Variants in SLTM observed in about 807,000 individuals in gnomAD.
SLTM encodes the protein SAFB-like transcription modulator.
In SLTM, 43 loss-of-function variants were observed where a neutral mutation model predicts 134.6. The observed-to-expected ratio is 0.32, with a 90% CI of 0.25 to 0.41. The LOEUF (loss-of-function observed/expected upper bound fraction) is 0.41. Among genes scored for constraint, SLTM ranks in the 10% least tolerant of loss-of-function variants. The pLI is 1.00. For synonymous variants in SLTM, 424 were observed against 432.3 expected (o/e 0.98, Z 0.24); for missense variants, 1,055 against 1,288.8 (o/e 0.82, Z 2.78).
chr15:58,922,377 C>CAAAAAAAAAAAAAA lies in SLTM; in HGVS notation c.251-5392_251-5379dup, dbSNP rs59996812. ...GGGTGACAAGAGCAAAACTCTGCCT[C>CAAAAAAAAAAAAAA]AAAAAAAAAAAAAAAAAAAAAAGCT... is the stretch of plus-strand genomic sequence containing the variant. On this transcript the variant is annotated intron_variant, in intron 2 of 20. Transcript: ENST00000380516. Among the ~76,000 whole-genome samples the CAAAAAAAAAAAAAA allele has an allele frequency of 4.9e-5, 3 of 61,132 alleles. 1 individual carries two copies. Among genetic ancestry groups the CAAAAAAAAAAAAAA allele is most frequent in the Admixed American group, 5.5e-4 (2 of 3,644 alleles). 40.1% of individuals were successfully genotyped at this position (61,132 alleles called of 152,430 possible).
chr15:58,887,598 C>T, intron 17 of SLTM, 58 bp from the exon 18 acceptor site: 1 of 1,531,984 alleles, frequency 6.5e-7, no homozygotes, highest in South Asian at 1.3e-5. Flanking sequence ...GTGCTTAATT[C>T]TTCTTAACTT....
intron 19 of SLTM, 86 bp downstream of exon 19, chr15:58,886,889 C>A (rs2034252449): frequency 6.6e-7 from 1 of 1,515,614 alleles, no homozygotes; most frequent in South Asian, 1.2e-5. Context: ...TAAGCCACAT[C>A]AAAATGCTAC....
chr15:58,912,257 G>A (rs1040783442), intron 5 of SLTM, among the ~76,000 whole-genome samples: 4 of 151,832 alleles, frequency 2.6e-5, no homozygotes, highest in African/African-American at 7.3e-5. Flanking sequence ...CCGCCACCAC[G>A]CCTAGCTAAT....
intron 12 of SLTM, 40 bp from the exon 13 acceptor site, chr15:58,893,404 T>G: frequency 1.4e-6 from 2 of 1,419,848 alleles, no homozygotes; most frequent in Non-Finnish European, 1.9e-6. Flanking sequence ...TCTAAAATTT[T>G]TCATTGAGAA....
intron 2 of SLTM, among the ~76,000 whole-genome samples, chr15:58,920,214 G>A (rs1272214343): frequency 3.3e-5 from 5 of 152,032 alleles, no homozygotes; most frequent in East Asian, 1.9e-4. Context: ...CTACTCAGGA[G>A]GCTGAGGCAC....
In SLTM at chr15:58,886,991, C is replaced by G. The variant is rs764322327; in HGVS notation, c.2819G>C (p.Arg940Pro). The change falls in exon 19 of 21, where the codon CGA becomes CCA. Residue 940 changes from arginine (R) to proline (P), a missense_variant. By Grantham distance (103) the Arg-to-Pro change is moderately radical. This residue lies in a region of SLTM where 776 missense variants were observed against 962.2 expected (regional missense o/e 0.81). Transcript: ENST00000380516. ...AGCACTTACCTGTGATCCACCTCCT[C>G]GGTCTGTGATGACTCCTCTGTCTCC... ...REGDRGVITD[R>P]GGGSQHYPEE... 1 of 1,612,474 alleles carries G rather than the reference C, an allele frequency of 6.2e-7. No individual in the cohort carries two copies. Among genetic ancestry groups the G allele is most frequent in the South Asian group, 1.1e-5 (1 of 91,012 alleles).
Position 58,903,592 on chromosome 15 carries a change from A to G in SLTM, c.562-2305T>C, listed in dbSNP as rs534901323. Among the ~76,000 whole-genome samples the G allele has an allele frequency of 3.9e-5, 6 of 152,188 alleles. No homozygotes were observed. In the East Asian group the frequency reaches 1.2e-3, roughly 29 times the overall value. ...TAGGAGATATACCTGACGCTAAATGATGAGTTAACGGGTGCAGCACACCAA... is the reference window on the plus strand; with the variant it reads ...TAGGAGATATACCTGACGCTAAATGGTGAGTTAACGGGTGCAGCACACCAA... On this transcript the variant is annotated intron_variant, in intron 5 of 20. Transcript: ENST00000380516.
chr15:58,922,602 CGTATAAAATATATTATATACAT>C (rs2037168040), intron 2 of SLTM, among the ~76,000 whole-genome samples: 1 of 142,288 alleles, frequency 7.0e-6, no homozygotes, highest in African/African-American at 2.6e-5. Flanking sequence ...ATATTATATA[CGTATAAAATATATTATATACAT>C]GTATAAAATA....
In SLTM at chr15:58,893,998, C is replaced by T. The variant is rs199798577; in HGVS notation, c.1482-11G>A. ...ACAGAGGCTTGTGTCCTGACCATAC[C>T]GCCCCAGACAAAAAAACAGAATGAG... On this transcript the variant is annotated splice_polypyrimidine_tract_variant and intron_variant, in intron 11 of 20. Coordinates refer to ENST00000380516, the MANE Select transcript of SLTM (RefSeq NM_024755.4). 15 of 1,602,120 alleles carry T rather than the reference C, an allele frequency of 9.4e-6. No individual in the cohort carries two copies. The highest frequency in any genetic ancestry group is 2.2e-5 in the East Asian group (1 of 44,762).
intron 2 of SLTM, among the ~76,000 whole-genome samples, chr15:58,926,104 A>G (rs777159432): frequency 3.3e-5 from 5 of 152,186 alleles, no homozygotes; most frequent in Non-Finnish European, 5.9e-5. Flanking sequence ...GGCCCCCAAC[A>G]TAACAACCCA....
chr15:58,906,699 G>T (rs537988097), intron 5 of SLTM, among the ~76,000 whole-genome samples: 1 of 152,110 alleles, frequency 6.6e-6, no homozygotes, highest in Non-Finnish European at 1.5e-5. Flanking sequence ...CTTACCTATC[G>T]GGGAATATGC....
intron 19 of SLTM, 74 bp downstream of exon 19, chr15:58,886,901 G>A: frequency 1.3e-6 from 2 of 1,545,512 alleles, no homozygotes; most frequent in South Asian, 1.1e-5. Context: ...AAATGCTACT[G>A]TATATCCAGA....
intron 2 of SLTM, among the ~76,000 whole-genome samples, chr15:58,923,538 C>T (rs748392182): frequency 6.6e-6 from 1 of 152,114 alleles, no homozygotes; most frequent in Non-Finnish European, 1.5e-5. Flanking sequence ...TGTAATATCA[C>T]ACACGAGAAA....
At chr15:58,907,753 T>C (rs1337703005) in intron 5 of SLTM, among the ~76,000 whole-genome samples, 2 of 152,304 alleles carry the variant, frequency 1.3e-5, no homozygotes, top group Admixed American at 6.5e-5. Flanking sequence ...ATTGCACATA[T>C]ACTACATCAG....
chr15:58,897,749 A>T (rs1567122033), intron 8 of SLTM, among the ~76,000 whole-genome samples: 1 of 152,144 alleles, frequency 6.6e-6, no homozygotes, highest in South Asian at 2.1e-4. Flanking sequence ...TGGGAATTAT[A>T]TGCAGCTGGA....
intron 20 of SLTM, among the ~76,000 whole-genome samples, chr15:58,883,313 TCAAAAAA>T (rs1169803035): frequency 2.0e-5 from 3 of 152,104 alleles, no homozygotes; most frequent in African/African-American, 4.8e-5. Flanking sequence ...AGACTCCATC[TCAAAAAA>T]CAAAAAACAA....
rs1294155376 is a variant in SLTM, at chr15:58,879,357, G to T, written c.*642C>A. The T allele has an allele frequency of 6.6e-6, 1 of 152,460 alleles. No homozygotes were observed. The highest frequency in any genetic ancestry group is 1.5e-5 in the Non-Finnish European group (1 of 68,034). The allele number at this position is 152,460 out of a possible 1,614,324, so 9.4% of individuals were successfully genotyped here. A position where few individuals can be genotyped will look rare whatever the true frequency, so the allele number is the denominator to read the frequency against. ...TTTCATACCATGCAAACCTGAACAA[G>T]TGTGCTGCTACACTAAACTGAAAAT... On this transcript the variant is annotated 3_prime_UTR_variant, in exon 21 of 21. Transcript: ENST00000380516.
At chr15:58,888,937 A>C (rs2034441007) in intron 16 of SLTM, among the ~76,000 whole-genome samples, 1 of 152,230 alleles carries the variant, frequency 6.6e-6, no homozygotes, top group African/African-American at 2.4e-5. Context: ...TGGAAACGTT[A>C]GAGTGGTAAG....
chr15:58,912,346 G>A (rs1316250353), intron 5 of SLTM, among the ~76,000 whole-genome samples: 8 of 152,094 alleles, frequency 5.3e-5, no homozygotes, highest in Admixed American at 2.6e-4. Flanking sequence ...TGAACCGCCC[G>A]CCTCGGCCTC....
Sources: allele counts gnomAD v4.1 joint callset (sites outside exome capture counted in the v4.1 genomes callset), GRCh38; gene constraint gnomAD v4.1.1; regional missense constraint gnomAD v4.1.1; transcripts MANE v1.5; gene names NCBI Gene and HGNC (gene_info 2026-07-23, HGNC 2026-07-21).